Variants in LIFR observed in about 807,000 individuals in gnomAD.
The protein encoded by LIFR is leukemia inhibitory factor receptor.
A neutral mutation model predicts 122.2 loss-of-function variants in LIFR; 84 were observed. The ratio of observed to expected loss-of-function variants is 0.69; its 90% CI spans 0.58 to 0.82. The LOEUF (loss-of-function observed/expected upper bound fraction) is 0.82, where lower values mean the gene tolerates loss of function less well. LIFR is among the 40% of genes least tolerant of loss of function. The pLI, the probability that LIFR is intolerant of heterozygous loss-of-function variation, is 0.00. For synonymous variants in LIFR, 422 were observed against 434.7 expected, an observed-to-expected ratio of 0.97 and a Z score of 0.36; for missense variants, 1,294 against 1,311.6, an observed-to-expected ratio of 0.99 and a Z score of 0.21.
rs779533679 is a variant in LIFR at position 38,484,837 on chromosome 5, T to C, written c.2529A>G (p.Pro843=). 12 of 1,613,706 alleles carry C rather than the reference T, an allele frequency of 7.4e-6. 1 individual carries two copies. The Admixed American group carries it at 1.8e-4, about 25-fold the overall frequency. ...CTCCAACAATGACAGCCACTGCCAC[T>C]GGGATGAGAATGGCAATAATTAATC... ...SVGLIIAILI[P]VAVAVIVGVV... is the part of the protein sequence containing the mutation. Residue 843 remains proline (P), a synonymous_variant, in exon 18 of 20, where the codon CCA becomes CCG. Transcript: ENST00000453190.
In LIFR at chr5:38,510,692, A is replaced by G; in HGVS notation, c.763T>C (p.Phe255Leu). ...ACAAGTATCACTTTATCTTGAGGAA[A>G]AACCTTAGTCTGAGAATCAGGTATC... ...SWIPDSQTKVFPQDKVILVGS... is the reference protein window; with the variant it reads ...SWIPDSQTKVLPQDKVILVGS... Residue 255 changes from phenylalanine (F) to leucine (L), a missense_variant, in exon 7 of 20, where the codon TTT (phenylalanine) becomes CTT (leucine). Physicochemically the swap from Phe to Leu is conservative, Grantham distance 22. Transcript: ENST00000453190. 6.2e-7 allele frequency: 1 copy of G among 1,613,026 alleles called. No individual in the cohort carries two copies. The highest frequency in any genetic ancestry group is 1.1e-5 in the South Asian group (1 of 91,010).
chr5:38,540,648 C>A (rs568675680), intron 1 of LIFR, among the ~76,000 whole-genome samples: 2 of 152,134 alleles, frequency 1.3e-5, no homozygotes, highest in East Asian at 1.9e-4. Context: ...AGAGGACGAG[C>A]GGCCAGTACA....
At position 38,517,572 on chromosome 5, in the gene LIFR, T is replaced by C. The variant is rs115440030; in HGVS notation, c.562-5608A>G. ...TCTGCAGGCTGAATTAAGATGGGCTTTAAGGCTGGGCGCGGTGGCTCATGC... is the reference window on the plus strand; with the variant it reads ...TCTGCAGGCTGAATTAAGATGGGCTCTAAGGCTGGGCGCGGTGGCTCATGC... On this transcript the variant is annotated intron_variant, in intron 5 of 19. Transcript: ENST00000453190. Among the ~76,000 whole-genome samples, 432 of 152,122 alleles carry C rather than the reference T, an allele frequency of 2.8e-3. 3 individuals are homozygous for C. The highest frequency in any genetic ancestry group is 0.01 in the African/African-American group (419 of 41,516).
chr5:38,481,525 A>G lies in LIFR; in HGVS notation c.*70T>C, dbSNP rs895277030. 5.4e-6 allele frequency: 8 copies of G among 1,493,506 alleles called. No homozygotes were observed. Among genetic ancestry groups the G allele is most frequent in the Non-Finnish European group, 7.5e-6 (8 of 1,070,540 alleles). The allele number at this position is 1,493,506 out of a possible 1,614,324, so 92.5% of individuals were successfully genotyped here. A position where few individuals can be genotyped will look rare whatever the true frequency, so the allele number is the denominator to read the frequency against. On this transcript the variant is annotated 3_prime_UTR_variant, in exon 20 of 20. Coordinates refer to ENST00000453190, the MANE Select transcript of LIFR (RefSeq NM_001127671.2). ...TCACAGGATCCCTCCAAGAATGCCC[A>G]GTGCTGATGTAGCAACACTAGCAGT...
chr5:38,564,662 T>C (rs1226459594), intron 1 of LIFR, among the ~76,000 whole-genome samples: 1 of 151,840 alleles, frequency 6.6e-6, no homozygotes, highest in East Asian at 1.9e-4. Context: ...TATTTTTGTC[T>C]CCATTGGATT....
At chr5:38,607,985 A>C (rs1447492111) in intron 1 of LIFR, 1 of 152,196 alleles carries the variant, frequency 6.6e-6, no homozygotes. Context: ...TTCTCTTGAG[A>C]GGGCGCTTCT....
intron 5 of LIFR, among the ~76,000 whole-genome samples, chr5:38,519,371 T>A (rs1328286907): frequency 6.6e-6 from 1 of 152,192 alleles, no homozygotes; most frequent in Admixed American, 6.5e-5. Context: ...GGGATACATG[T>A]GAGTATTGGT....
chr5:38,582,728 AT>A (rs1164970302), intron 1 of LIFR, among the ~76,000 whole-genome samples: 2 of 152,282 alleles, frequency 1.3e-5, no homozygotes, highest in Admixed American at 6.5e-5. Flanking sequence ...AGTACTGCAG[AT>A]TCATCCCCTG....
chr5:38,506,457 C>T, intron 8 of LIFR, 46 bp downstream of exon 8: 1 of 1,611,028 alleles, frequency 6.2e-7, no homozygotes, highest in Non-Finnish European at 8.5e-7. Flanking sequence ...ACATGCACTT[C>T]CAACGTACTC....
At chr5:38,554,655 G>A (rs1333656048) in intron 1 of LIFR, among the ~76,000 whole-genome samples, 2 of 152,056 alleles carry the variant, frequency 1.3e-5, no homozygotes, top group African/African-American at 4.8e-5. Flanking sequence ...CTCATCTTTA[G>A]GAATACAAAC....
At chr5:38,485,718 T>A in intron 17 of LIFR, 101 bp downstream of exon 17, 1 of 1,358,828 alleles carries the variant, frequency 7.4e-7, no homozygotes, top group Non-Finnish European at 1.0e-6. Flanking sequence ...AATGTGAATG[T>A]TTTTTAGAAA....
rs62353653 is a variant in LIFR, at chr5:38,491,332, T to A, written c.2066-1041A>T. Among the ~76,000 whole-genome samples, 772 of 151,480 alleles carry A rather than the reference T, an allele frequency of 5.1e-3. 4 individuals carry two copies. The highest frequency in any genetic ancestry group is 7.9e-3 in the Non-Finnish European group (537 of 67,868). On this transcript the variant is annotated intron_variant, in intron 14 of 19. Transcript: ENST00000453190. ...GTCAAGCATGGAGACACTTGCAGAG[T>A]GGTGGGGAAGACAGACGAACAAGGG...
At chr5:38,574,012 A>G (rs1370523679) in intron 1 of LIFR, among the ~76,000 whole-genome samples, 1 of 152,094 alleles carries the variant, frequency 6.6e-6, no homozygotes, top group Non-Finnish European at 1.5e-5. Flanking sequence ...ATTACTTGGG[A>G]GGCTGAGGCA....
In LIFR at chr5:38,511,825, T is replaced by C. The variant is rs1745818996; in HGVS notation, c.701A>G (p.Glu234Gly). Residue 234 changes from glutamate to glycine, a missense_variant, in exon 6 of 20, where the codon GAG (glutamate) becomes GGG (glycine). Physicochemically the swap from Glu to Gly is moderately conservative, Grantham distance 98. Transcript: ENST00000453190. The stretch of plus-strand genomic sequence containing the variant: ...CTTCACAGGGCTCCAGTCACTCCAC[T>C]CTTCGAGACCAGAAAAATGAAGATT... ...IDNLHFSGLEEWSDWSPVKNI... is the reference protein window; with the variant it reads ...IDNLHFSGLEGWSDWSPVKNI... 6.2e-7 allele frequency: 1 copy of C among 1,613,968 alleles called. No homozygotes were observed. Among genetic ancestry groups the C allele is most frequent in the Non-Finnish European group, 8.5e-7 (1 of 1,179,966 alleles).
chr5:38,605,175 A>G (rs191879244), intron 2 of LIFR, among the ~76,000 whole-genome samples: 18 of 152,236 alleles, frequency 1.2e-4, no homozygotes, highest in Admixed American at 5.2e-4. Flanking sequence ...TCCACTTTAC[A>G]TCATGGCCTG....
Position 38,481,588 on chromosome 5 carries a change from G to A in LIFR, c.*7C>T, listed in dbSNP as rs1214840263. 6.8e-6 allele frequency: 11 copies of A among 1,614,048 alleles called. No individual in the cohort carries two copies. The highest frequency in any genetic ancestry group is 8.5e-6 in the Non-Finnish European group (10 of 1,179,942). ...AGATGGCTGACTGAAGTGACACGGT[G>A]ACACTGTTAATCGTTTGGTTTGTTC... is the stretch of plus-strand genomic sequence containing the variant. On this transcript the variant is annotated 3_prime_UTR_variant, in exon 20 of 20. Transcript: ENST00000453190.
chr5:38,507,993 G>C (rs1196959027), intron 7 of LIFR, among the ~76,000 whole-genome samples: 1 of 151,924 alleles, frequency 6.6e-6, no homozygotes, highest in African/African-American at 2.4e-5. Flanking sequence ...CAAATATTCA[G>C]TCACTCTATT....
chr5:38,514,370 C>T (rs1745964744), intron 5 of LIFR, among the ~76,000 whole-genome samples: 1 of 152,176 alleles, frequency 6.6e-6, no homozygotes, highest in South Asian at 2.1e-4. Flanking sequence ...ATCATACCTT[C>T]AAAATCTTGA....
In LIFR at chr5:38,481,176, T is replaced by A. The variant is rs1437222457; in HGVS notation, c.*419A>T. ...CGTCAGGCAAATAAACTTCACCTGT[T>A]ACTTGGACATTTTCTCCCTGGCCTG... On this transcript the variant is annotated 3_prime_UTR_variant, in exon 20 of 20. Coordinates refer to ENST00000453190, the MANE Select transcript of LIFR (RefSeq NM_001127671.2). The A allele has an allele frequency of 3.6e-6, 1 of 278,312 alleles. No homozygotes were observed. Among genetic ancestry groups the A allele is most frequent in the Admixed American group, 4.7e-5 (1 of 21,118 alleles). The allele number at this position is 278,312 out of a possible 1,614,324, so 17.2% of individuals were successfully genotyped here. A position where few individuals can be genotyped will look rare whatever the true frequency, so the allele number is the denominator to read the frequency against.
Sources: allele counts gnomAD v4.1 joint callset (sites outside exome capture counted in the v4.1 genomes callset), GRCh38; gene constraint gnomAD v4.1.1; transcripts MANE v1.5; gene names NCBI Gene and HGNC (gene_info 2026-07-23, HGNC 2026-07-21).